The following PCDH15 variants were observed in gnomAD, a reference collection of about 807,000 sequenced individuals.
The protein encoded by PCDH15 is protocadherin-15.
A neutral mutation model predicts 178.5 loss-of-function variants in PCDH15; 129 were observed. The ratio of observed to expected loss-of-function variants is 0.72; its 90% CI spans 0.63 to 0.84. The LOEUF is 0.84. PCDH15 is among the 40% of genes least tolerant of loss of function. The probability of loss-of-function intolerance (pLI) is 0.00; values close to 1 mark genes in which losing one functional copy is unlikely to be tolerated. For missense variants in PCDH15, 2,230 were observed against 2,099.9 expected (o/e 1.06, Z -1.21); for synonymous variants, 800 against 732.0 (o/e 1.09, Z -1.50).
At chr10:54,315,478 T>C (rs2061189110) in intron 8 of PCDH15, among the ~76,000 whole-genome samples, 1 of 152,158 alleles carries the variant, frequency 6.6e-6, no homozygotes, top group Non-Finnish European at 1.5e-5. Context: ...GTTCTGTAGG[T>C]GGTCTGTTCA....
intron 21 of PCDH15, among the ~76,000 whole-genome samples, chr10:53,968,020 G>A (rs7907348): frequency 0.58 from 88,464 of 151,910 alleles, 26,259 homozygotes; most frequent in East Asian, 0.75. Context: ...GGGCTTGTTG[G>A]ACAGTGGGTG....
chr10:54,281,448 A>G (rs1343898240), intron 8 of PCDH15, among the ~76,000 whole-genome samples: 1 of 151,864 alleles, frequency 6.6e-6, no homozygotes, highest in Non-Finnish European at 1.5e-5. Context: ...GCAAAGCCTA[A>G]TTAAATTAAT....
intron 26 of PCDH15, among the ~76,000 whole-genome samples, chr10:53,879,540 T>C (rs576741771): frequency 1.4e-4 from 22 of 152,292 alleles, no homozygotes; most frequent in Middle Eastern, 3.4e-3. Flanking sequence ...GGATTTACGA[T>C]GTATACCTAC....
chr10:54,409,381 C>T (rs1398363415), intron 3 of PCDH15, among the ~76,000 whole-genome samples: 3 of 152,012 alleles, frequency 2.0e-5, no homozygotes, highest in Admixed American at 2.0e-4. Context: ...TTAATAAGTC[C>T]CTTCAGCTTG....
At chr10:54,608,013 T>G (rs1448572987) in intron 2 of PCDH15, 2 of 458,552 alleles carry the variant, frequency 4.4e-6, no homozygotes, top group Non-Finnish European at 8.4e-6. Context: ...GTGAGAAGAC[T>G]TGCACACATA....
At chr10:54,046,341 C>T (rs1161565777) in intron 18 of PCDH15, among the ~76,000 whole-genome samples, 2 of 152,272 alleles carry the variant, frequency 1.3e-5, no homozygotes, top group Non-Finnish European at 2.9e-5. Flanking sequence ...ATGATATAAA[C>T]ATATTCACAG....
At chr10:54,060,117 A>G (rs1369179754) in intron 18 of PCDH15, among the ~76,000 whole-genome samples, 1 of 152,208 alleles carries the variant, frequency 6.6e-6, no homozygotes, top group East Asian at 1.9e-4. Flanking sequence ...ATGTGACTAT[A>G]TGCATATATA....
intron 2 of PCDH15, among the ~76,000 whole-genome samples, chr10:54,946,404 G>T (rs1591799948): frequency 6.6e-6 from 1 of 151,862 alleles, no homozygotes; most frequent in Non-Finnish European, 1.5e-5. Flanking sequence ...TGTCTCTTGG[G>T]TTAACACAGT....
At chr10:53,827,074 A>G (rs1029874458) in intron 32 of PCDH15, among the ~76,000 whole-genome samples, 6 of 151,700 alleles carry the variant, frequency 4.0e-5, no homozygotes, top group Non-Finnish European at 5.9e-5. Flanking sequence ...ATATACATAT[A>G]CATTATATAT....
At chr10:54,429,677 G>A (rs113531923) in intron 3 of PCDH15, among the ~76,000 whole-genome samples, 2 of 152,094 alleles carry the variant, frequency 1.3e-5, no homozygotes, top group South Asian at 4.1e-4. Context: ...GAAAGAGCAG[G>A]AGTATCTATA....
At chr10:54,455,056 C>T (rs939763576) in intron 3 of PCDH15, among the ~76,000 whole-genome samples, 3 of 151,932 alleles carry the variant, frequency 2.0e-5, no homozygotes, top group Non-Finnish European at 2.9e-5. Context: ...TCCCTTTTTG[C>T]TCAGCACTTC....
intron 27 of PCDH15, 146 bp downstream of exon 27, chr10:53,866,496 T>A (rs1031091451): frequency 1.2e-5 from 7 of 578,734 alleles, no homozygotes; most frequent in Non-Finnish European, 1.9e-5. Flanking sequence ...ATTCCTAAAC[T>A]ATAGTGACTA....
chr10:55,278,104 T>G (rs755422245), intron 1 of PCDH15, among the ~76,000 whole-genome samples: 1 of 152,168 alleles, frequency 6.6e-6, no homozygotes, highest in Non-Finnish European at 1.5e-5. Context: ...AGTCAAAGGT[T>G]ATGAACAGAT....
At chr10:53,932,064 G>C (rs2085109858) in intron 25 of PCDH15, among the ~76,000 whole-genome samples, 1 of 152,264 alleles carries the variant, frequency 6.6e-6, no homozygotes, top group East Asian at 1.9e-4. Flanking sequence ...AATACTCTTT[G>C]GGTCAGACCT....
At chr10:55,467,995 T>TAAAAAAA (rs1839872637) in intron 2 of PCDH15, among the ~76,000 whole-genome samples, 1 of 98,276 alleles carries the variant, frequency 1.0e-5, no homozygotes, top group African/African-American at 4.7e-5. Flanking sequence ...AAAAAAAGAA[T>TAAAAAAA]TAAAACTGGT....
At chr10:54,163,251 G>A (rs546762534) in intron 13 of PCDH15, among the ~76,000 whole-genome samples, 1 of 152,078 alleles carries the variant, frequency 6.6e-6, no homozygotes, top group East Asian at 1.9e-4. Context: ...ACTGCTATAA[G>A]GAACTAACTC....
At chr10:54,105,633 G>A (rs569962253) in intron 15 of PCDH15, among the ~76,000 whole-genome samples, 1 of 152,100 alleles carries the variant, frequency 6.6e-6, no homozygotes, top group East Asian at 1.9e-4. Flanking sequence ...GGGTGGGTCT[G>A]CCTTTCCTAG....
chr10:54,913,407 T>G (rs1954850588), intron 2 of PCDH15, among the ~76,000 whole-genome samples: 1 of 152,210 alleles, frequency 6.6e-6, no homozygotes, highest in African/African-American at 2.4e-5. Flanking sequence ...GGGCAAGACT[T>G]GAGTCTTGGG....
At chr10:54,256,484 T>G (rs2056906444) in intron 8 of PCDH15, among the ~76,000 whole-genome samples, 1 of 152,202 alleles carries the variant, frequency 6.6e-6, no homozygotes, top group African/African-American at 2.4e-5. Context: ...TCTGTAGGTT[T>G]AATTTTCACA....
Sources: gnomAD v4.1 joint callset for allele counts (sites outside exome capture counted in the v4.1 genomes callset) on GRCh38, gnomAD v4.1.1 for gene constraint, MANE v1.5 for transcripts, NCBI Gene and HGNC (gene_info 2026-07-23, HGNC 2026-07-21) for gene names.